PCLO: variants seen among roughly 807,000 people sequenced by gnomAD.
PCLO encodes piccolo presynaptic cytomatrix protein, also known as protein piccolo.
In PCLO, 82 loss-of-function variants were observed where a neutral mutation model predicts 427.5. That is an observed-to-expected ratio of 0.19 (90% confidence interval 0.16 to 0.23). The LOEUF is 0.23. Among genes scored for constraint, PCLO ranks in the 10% least tolerant of loss-of-function variants. The pLI is 1.00. For synonymous variants in PCLO, 2,357 were observed against 2,155.4 expected (o/e 1.09, Z -2.59); for missense variants, 6,239 against 6,115.9 (o/e 1.02, Z -0.67).
In PCLO at chr7:82,896,144, A is replaced by T. The variant is rs1429519542; in HGVS notation, c.13528+6507T>A. ...CAGTTTCTTAAATAGTTAGACGGAA[A>T]CTTACCATACAACCAGAAATTTTAT... On this transcript the variant is annotated intron_variant, in intron 9 of 24. Coordinates refer to ENST00000333891, the MANE Select transcript of PCLO (RefSeq NM_033026.6). 2.0e-5 allele frequency among the ~76,000 whole-genome samples: 3 copies of T among 151,928 alleles called. No individual in the cohort carries two copies. The East Asian group carries it at 5.8e-4, about 29-fold the overall frequency.
At chr7:83,021,091 T>G (rs1207637919) in intron 3 of PCLO, among the ~76,000 whole-genome samples, 1 of 152,090 alleles carries the variant, frequency 6.6e-6, no homozygotes, top group East Asian at 1.9e-4. Context: ...AAGAGTGCAG[T>G]TTCCACATCC....
intron 2 of PCLO, among the ~76,000 whole-genome samples, chr7:83,141,189 G>A (rs1033160979): frequency 3.3e-5 from 5 of 152,120 alleles, no homozygotes; most frequent in South Asian, 2.1e-4. Flanking sequence ...TGGGAGAAAC[G>A]GAATAAACTC....
In PCLO at chr7:82,755,592, A is replaced by G. The variant is rs915072462; in HGVS notation, c.*2983T>C. On this transcript the variant is annotated 3_prime_UTR_variant, in exon 25 of 25. Coordinates refer to ENST00000333891, the MANE Select transcript of PCLO (RefSeq NM_033026.6). ...GAAAAACTGAGATGCTCTTCAAGGT[A>G]AAAGTGCTGTAATTGGAGTAATTAC... 3.3e-5 allele frequency: 5 copies of G among 152,138 alleles called. No individual in the cohort carries two copies. Among genetic ancestry groups the G allele is most frequent in the African/African-American group, 7.2e-5 (3 of 41,440 alleles). 9.4% of individuals were successfully genotyped at this position (152,138 alleles called of 1,614,324 possible).
intron 3 of PCLO, among the ~76,000 whole-genome samples, chr7:82,979,549 T>C (rs1480389003): frequency 1.3e-5 from 2 of 152,202 alleles, no homozygotes; most frequent in Admixed American, 1.3e-4. Context: ...CAAAAATGTG[T>C]ATTATACATT....
chr7:83,142,086 C>T (rs1412683415), intron 2 of PCLO, among the ~76,000 whole-genome samples: 1 of 151,902 alleles, frequency 6.6e-6, no homozygotes, highest in Non-Finnish European at 1.5e-5. Context: ...GACCAACATC[C>T]TCTCTTCTAT....
rs2116431769 is a variant in PCLO, at chr7:82,952,175, A to ATCT, written c.8775_8777dup (p.Glu2925dup). On this transcript the variant is annotated inframe_insertion, in exon 5 of 25. Coordinates refer to ENST00000333891, the MANE Select transcript of PCLO (RefSeq NM_033026.6). ...CTGCGGTTAAATCAACGGGTTTTTC[A>ATCT]TCTTCTATTATTTTGGTCATCACAC... The ATCT allele has an allele frequency of 6.2e-7, 1 of 1,612,578 alleles. No homozygotes were observed. The highest frequency in any genetic ancestry group is 1.1e-5 in the South Asian group (1 of 90,996).
intron 3 of PCLO, among the ~76,000 whole-genome samples, chr7:83,067,294 C>G (rs886969300): frequency 2.0e-5 from 3 of 152,076 alleles, no homozygotes; most frequent in Non-Finnish European, 4.4e-5. Context: ...AGGGGTAGTA[C>G]AGAGACTGGA....
rs922465052 is a variant in PCLO, at chr7:83,023,577, T to C, written c.3301-57090A>G. On this transcript the variant is annotated intron_variant, in intron 3 of 24. Coordinates refer to ENST00000333891, the MANE Select transcript of PCLO (RefSeq NM_033026.6). ...AAAATTCAAAACAGTTGTAAGTACA[T>C]GTCCCTAAATGCTTTAGCACAAAAG... Among the ~76,000 whole-genome samples the C allele has an allele frequency of 5.6e-4, 85 of 152,188 alleles. 2 individuals carry two copies. The highest frequency in any genetic ancestry group is 2.8e-4 in the Non-Finnish European group (19 of 68,028).
intron 8 of PCLO, among the ~76,000 whole-genome samples, chr7:82,903,157 G>A (rs762037451): frequency 5.9e-5 from 9 of 151,770 alleles, no homozygotes; most frequent in African/African-American, 9.7e-5. Context: ...AAGTTGTGCC[G>A]GGGGAGAAAA....
In PCLO at chr7:82,810,999, G is replaced by A. The variant is rs568274096; in HGVS notation, c.14792-5170C>T. Among the ~76,000 whole-genome samples, 9 of 151,774 alleles carry A rather than the reference G, an allele frequency of 5.9e-5. No individual in the cohort carries two copies. The South Asian group carries it at 1.7e-3, about 28-fold the overall frequency. ...TTAGTGTTTGGAATGTAAATAGGTTGCTGTCTATGATGTTCCATTATTGGT... is the reference window on the plus strand; with the variant it reads ...TTAGTGTTTGGAATGTAAATAGGTTACTGTCTATGATGTTCCATTATTGGT... On this transcript the variant is annotated intron_variant, in intron 20 of 24. Transcript: ENST00000333891.
Position 82,954,187 on chromosome 7 carries a change from T to C in PCLO, c.6766A>G (p.Arg2256Gly). 6.2e-7 allele frequency: 1 copy of C among 1,613,140 alleles called. No individual in the cohort carries two copies. The highest frequency in any genetic ancestry group is 1.3e-5 in the African/African-American group (1 of 75,036). Residue 2256 changes from arginine (R) to glycine (G), a missense_variant, in exon 5 of 25, where the codon AGA (arginine) becomes GGA (glycine). Arg to Gly is a moderately radical substitution (Grantham distance 125, BLOSUM62 -2). Transcript: ENST00000333891. ...ATAACAATATGATCAGCACTAGCTC[T>C]ACCATCTGGTGGGGCAGTCCGATCT... ...SLDRTAPPDG[R>G]ASADHIVISL... is the part of the protein sequence containing the mutation.
chr7:83,125,153 T>G (rs1229235390), intron 3 of PCLO, among the ~76,000 whole-genome samples: 2 of 152,136 alleles, frequency 1.3e-5, no homozygotes, highest in South Asian at 4.1e-4. Context: ...GTGCTGAGAT[T>G]GCAGCCTCTG....
intron 4 of PCLO, among the ~76,000 whole-genome samples, chr7:82,962,355 G>GA (rs200501266): frequency 2.0e-5 from 3 of 152,028 alleles, no homozygotes; most frequent in Admixed American, 6.6e-5. Flanking sequence ...TTTTGGCCAT[G>GA]AAAAAATTAC....
chr7:82,947,479 A>G (rs1170370795), intron 6 of PCLO, among the ~76,000 whole-genome samples: 4 of 152,180 alleles, frequency 2.6e-5, no homozygotes, highest in African/African-American at 9.7e-5. Flanking sequence ...TTACTTTAAA[A>G]TAGACTCAAA....
intron 3 of PCLO, among the ~76,000 whole-genome samples, chr7:83,083,473 A>G (rs1268883435): frequency 1.3e-5 from 2 of 151,994 alleles, no homozygotes; most frequent in Admixed American, 6.6e-5. Context: ...AAAATTAAAT[A>G]CTGTAAGTTG....
At chr7:82,922,208 A>G (rs1475645717) in intron 6 of PCLO, among the ~76,000 whole-genome samples, 1 of 151,920 alleles carries the variant, frequency 6.6e-6, no homozygotes, top group African/African-American at 2.4e-5. Flanking sequence ...AAAAAACCCT[A>G]CCATTTGACC....
At chr7:82,994,486 C>A (rs1050644460) in intron 3 of PCLO, among the ~76,000 whole-genome samples, 4 of 151,882 alleles carry the variant, frequency 2.6e-5, no homozygotes, top group Admixed American at 6.6e-5. Context: ...GCCTTGTAAG[C>A]TACATGAAGA....
chr7:83,050,913 C>G (rs1298125217), intron 3 of PCLO, among the ~76,000 whole-genome samples: 1 of 151,826 alleles, frequency 6.6e-6, no homozygotes, highest in African/African-American at 2.4e-5. Flanking sequence ...AACTCTCTCT[C>G]TCTCCAAAAA....
chr7:82,824,403 AAATC>A lies in PCLO; in HGVS notation c.14425_14428del (p.Asp4809TyrfsTer107). On this transcript the variant is annotated frameshift_variant, in exon 19 of 25. Coordinates refer to ENST00000333891, the MANE Select transcript of PCLO (RefSeq NM_033026.6). LOFTEE classifies it high-confidence loss of function. ...GTTATCGAGGTGAGATGTGCTAGAT[AAATC>A]AATCAATACCTGAAAAAAAGTGTAA... is the stretch of plus-strand genomic sequence containing the variant. The A allele has an allele frequency of 6.3e-7, 1 of 1,590,470 alleles. No homozygotes were observed. Among genetic ancestry groups the A allele is most frequent in the Non-Finnish European group, 8.6e-7 (1 of 1,166,320 alleles).
Sources: allele counts gnomAD v4.1 joint callset (sites outside exome capture counted in the v4.1 genomes callset), GRCh38; gene constraint gnomAD v4.1.1; transcripts MANE v1.5; gene names NCBI Gene and HGNC (gene_info 2026-07-23, HGNC 2026-07-21).